The following ISM1 variants were observed in gnomAD, a reference collection of about 807,000 sequenced individuals.
The protein encoded by ISM1 is isthmin-1.
ISM1 carries 25 observed loss-of-function variants against 46.3 expected under a neutral mutation model. The ratio of observed to expected loss-of-function variants is 0.54; its 90% CI spans 0.39 to 0.75. The LOEUF (loss-of-function observed/expected upper bound fraction) is 0.75. Among genes scored for constraint, ISM1 ranks in the 30% least tolerant of loss-of-function variants. The pLI is 0.00. For missense variants in ISM1, 536 were observed against 625.4 expected (o/e 0.86, Z 1.52); for synonymous variants, 255 against 256.7 (o/e 0.99, Z 0.06).
At chr20:13,320,378 C>T in the ISM1 span, among the ~76,000 whole-genome samples, 1 of 151,988 alleles carries the variant, frequency 6.6e-6, no homozygotes, top group South Asian at 2.1e-4. Flanking sequence ...TCACACTGTG[C>T]TTGCAAACCA....
the ISM1 span, among the ~76,000 whole-genome samples, chr20:13,311,500 G>A: frequency 6.6e-6 from 1 of 152,160 alleles, no homozygotes; most frequent in Non-Finnish European, 1.5e-5. Flanking sequence ...TTCATTGCAT[G>A]ATTATACTCA....
intron 3 of ISM1, 85 bp from the exon 4 acceptor site, chr20:13,288,455 A>C: frequency 7.1e-6 from 10 of 1,412,598 alleles, no homozygotes; most frequent in Non-Finnish European, 9.8e-6. Flanking sequence ...GAAGGATAGA[A>C]GTGAATAATT....
At chr20:13,224,386 G>A (rs745819240) in intron 1 of ISM1, among the ~76,000 whole-genome samples, 9 of 152,114 alleles carry the variant, frequency 5.9e-5, no homozygotes, top group South Asian at 2.1e-4. Flanking sequence ...TTAGTCCATC[G>A]TTTTCAGGCC....
At chr20:13,278,203 G>A (rs1394838675) in intron 2 of ISM1, among the ~76,000 whole-genome samples, 2 of 152,172 alleles carry the variant, frequency 1.3e-5, no homozygotes, top group East Asian at 1.9e-4. Flanking sequence ...GTCTCTCTAC[G>A]TTGATTGTCT....
intron 3 of ISM1, among the ~76,000 whole-genome samples, chr20:13,285,240 A>C (rs2040278975): frequency 6.6e-6 from 1 of 152,148 alleles, no homozygotes; most frequent in Non-Finnish European, 1.5e-5. Context: ...GCAATGAGCC[A>C]TGATGGTGCC....
chr20:13,239,238 G>A (rs2039689016), intron 1 of ISM1: 2 of 152,248 alleles, frequency 1.3e-5, no homozygotes, highest in Admixed American at 1.3e-4. Flanking sequence ...TCGAAGTTCT[G>A]TTCCAGGTTC....
chr20:13,242,573 T>C (rs1469805552), intron 1 of ISM1, among the ~76,000 whole-genome samples: 1 of 152,006 alleles, frequency 6.6e-6, no homozygotes, highest in Non-Finnish European at 1.5e-5. Flanking sequence ...TGTTCAGAGA[T>C]GTGTAGAATG....
chr20:13,270,420 C>T, intron 1 of ISM1, 84 bp from the exon 2 acceptor site: 2 of 1,447,970 alleles, frequency 1.4e-6, no homozygotes, highest in Non-Finnish European at 1.9e-6. Context: ...ATTGTCCTTG[C>T]TCCTGAATAT....
intron 4 of ISM1, among the ~76,000 whole-genome samples, chr20:13,289,586 T>C (rs2040330788): frequency 6.6e-6 from 1 of 151,960 alleles, no homozygotes; most frequent in Non-Finnish European, 1.5e-5. Context: ...CCCATACATT[T>C]TTAAACTGTT....
chr20:13,271,785 AT>A (rs929971420), intron 2 of ISM1, among the ~76,000 whole-genome samples: 18 of 151,754 alleles, frequency 1.2e-4, no homozygotes, highest in African/African-American at 3.9e-4. Flanking sequence ...CTGCTTCCAT[AT>A]TTTTTTTAAA....
At position 13,283,137 on chromosome 20, in the gene ISM1, C is replaced by T. The variant is rs111856584; in HGVS notation, c.643+3239C>T. Among the ~76,000 whole-genome samples the T allele has an allele frequency of 3.8e-3, 584 of 152,262 alleles. 1 individual carries two copies. The highest frequency in any genetic ancestry group is 0.013 in the African/African-American group (557 of 41,544). On this transcript the variant is annotated intron_variant, in intron 3 of 5. Coordinates refer to ENST00000262487, the MANE Select transcript of ISM1 (RefSeq NM_080826.2). Reference sequence around the variant, plus strand: ...CTCACTGAAGCCTCCAACTCCTGGGCTCAAGCAGTCCTCCCACCTCAGCCT... The same window carrying T: ...CTCACTGAAGCCTCCAACTCCTGGGTTCAAGCAGTCCTCCCACCTCAGCCT...
chr20:13,267,054 C>T (rs1443444863), intron 1 of ISM1, among the ~76,000 whole-genome samples: 2 of 152,208 alleles, frequency 1.3e-5, no homozygotes, highest in Non-Finnish European at 2.9e-5. Context: ...ATAATGGCTA[C>T]TCTCAAATCT....
chr20:13,288,165 CTCTCTCTT>C (rs1389970223), intron 3 of ISM1, among the ~76,000 whole-genome samples: 3 of 152,210 alleles, frequency 2.0e-5, no homozygotes, highest in Non-Finnish European at 4.4e-5. Flanking sequence ...ATTCTCCTCT[CTCTCTCTT>C]TCTCTCTGTA....
chr20:13,308,728 C>A, the ISM1 span, among the ~76,000 whole-genome samples: 1 of 152,156 alleles, frequency 6.6e-6, no homozygotes, highest in Admixed American at 6.5e-5. Flanking sequence ...AGGTACAGAA[C>A]ATTTGTGTTC....
chr20:13,322,032 G>A, the ISM1 span, among the ~76,000 whole-genome samples: 1 of 152,198 alleles, frequency 6.6e-6, no homozygotes, highest in East Asian at 1.9e-4. Context: ...TATGGAAATT[G>A]TGCATGTGTA....
Position 13,299,302 on chromosome 20 carries a change from A to T in ISM1, c.1238A>T (p.Glu413Val). ...PNLISTEFSA[E>V]LHYKVDVLPW... Reference sequence around the variant, plus strand: ...CTCATCAGCACCGAGTTCTCCGCGGAGCTCCACTACAAGGTGGACGTCCTG... The same window carrying T: ...CTCATCAGCACCGAGTTCTCCGCGGTGCTCCACTACAAGGTGGACGTCCTG... Residue 413 changes from glutamate to valine, a missense_variant, in exon 6 of 6, where the codon GAG (glutamate) becomes GTG (valine). This residue lies in a region of ISM1 where 169 missense variants were observed against 249.3 expected (regional missense o/e 0.68). Coordinates refer to ENST00000262487, the MANE Select transcript of ISM1 (RefSeq NM_080826.2). This position sits in a 1 kb window ranked among gnomAD's most constrained non-coding sequence, Gnocchi z 5.8. 1.2e-6 allele frequency: 2 copies of T among 1,613,650 alleles called. No individual in the cohort carries two copies. Among genetic ancestry groups the T allele is most frequent in the Non-Finnish European group, 1.7e-6 (2 of 1,179,738 alleles).
At chr20:13,312,470 C>T in the ISM1 span, among the ~76,000 whole-genome samples, 136 of 152,332 alleles carry the variant, frequency 8.9e-4, 1 homozygote, top group African/African-American at 3.2e-3. Flanking sequence ...CAACTTCTCC[C>T]TTCCTCTCCC....
chr20:13,309,573 C>T, the ISM1 span, among the ~76,000 whole-genome samples: 1 of 152,074 alleles, frequency 6.6e-6, no homozygotes, highest in East Asian at 1.9e-4. Context: ...TTATATTCAG[C>T]ACAGTTCTGG....
At chr20:13,306,384 A>G in the ISM1 span, among the ~76,000 whole-genome samples, 1 of 152,132 alleles carries the variant, frequency 6.6e-6, no homozygotes, top group Non-Finnish European at 1.5e-5. Flanking sequence ...GTAAAAGGGA[A>G]TGTTAGCAAA....
Sources: allele counts gnomAD v4.1 joint callset (sites outside exome capture counted in the v4.1 genomes callset), GRCh38; gene constraint gnomAD v4.1.1; regional missense constraint gnomAD v4.1.1; non-coding constraint Gnocchi (gnomAD v3.1); transcripts MANE v1.5; gene names NCBI Gene and HGNC (gene_info 2026-07-23, HGNC 2026-07-21).